Variants in HTR2C observed in about 807,000 individuals in gnomAD.
HTR2C encodes 5-hydroxytryptamine (serotonin) receptor 2C, G protein-coupled.
In HTR2C, 5 loss-of-function variants were observed where a neutral mutation model predicts 21.0. That is an observed-to-expected ratio of 0.24 (90% CI 0.12 to 0.50). HTR2C has a LOEUF of 0.50. Among genes scored for constraint, HTR2C ranks in the 20% least tolerant of loss-of-function variants. The probability of loss-of-function intolerance (pLI) is 0.98; values close to 1 mark genes in which losing one functional copy is unlikely to be tolerated. For synonymous variants in HTR2C, 150 were observed against 145.3 expected, an observed-to-expected ratio of 1.03 and a Z score of -0.23; for missense variants, 271 against 371.2, an observed-to-expected ratio of 0.73 and a Z score of 2.22.
intron 5 of HTR2C, among the ~76,000 whole-genome samples, chrX:114,885,918 T>A (rs1266193853): frequency 9.0e-6 from 1 of 111,672 alleles, no homozygotes; most frequent in Non-Finnish European, 1.9e-5. Flanking sequence ...GGTCGATTGT[T>A]TGACTACTTG....
intron 4 of HTR2C, among the ~76,000 whole-genome samples, chrX:114,752,770 C>T (rs1343848512): frequency 9.0e-6 from 1 of 110,862 alleles, no homozygotes; most frequent in Non-Finnish European, 1.9e-5. Flanking sequence ...CTTTTTGTCA[C>T]TCCCAGTTGA....
At chrX:114,676,777 A>T (rs1931578706) in intron 2 of HTR2C, among the ~76,000 whole-genome samples, 1 of 112,174 alleles carries the variant, frequency 8.9e-6, no homozygotes, top group South Asian at 3.6e-4. Context: ...TGCTCTGCAC[A>T]ATTTGTTAAA....
intron 4 of HTR2C, among the ~76,000 whole-genome samples, chrX:114,744,586 G>A (rs1029225399): frequency 3.4e-4 from 37 of 108,654 alleles, no homozygotes; most frequent in African/African-American, 1.2e-3. Context: ...CCGAGTAGCC[G>A]GGACTACAGG....
In HTR2C at chrX:114,726,214, C is replaced by T. The variant is rs782650425; in HGVS notation, c.-79-644C>T. Among the ~76,000 whole-genome samples the T allele has an allele frequency of 4.9e-4, 55 of 112,569 alleles. No individual in the cohort carries two copies. In the South Asian group the frequency reaches 0.02, roughly 40 times the overall value. ...GGAACCAGGTGCAGGATATAATCTCCTGGTGCGCCGTTTTTTAAGCCTGTT... is the reference window on the plus strand; with the variant it reads ...GGAACCAGGTGCAGGATATAATCTCTTGGTGCGCCGTTTTTTAAGCCTGTT... On this transcript the variant is annotated intron_variant, in intron 2 of 5. Transcript: ENST00000276198.
chrX:114,643,329 G>A (rs1333735403), intron 2 of HTR2C, among the ~76,000 whole-genome samples: 1 of 111,069 alleles, frequency 9.0e-6, no homozygotes, highest in Non-Finnish European at 1.9e-5. Context: ...TGTCTTAGGG[G>A]AAATGGGAGT....
intron 1 of HTR2C, among the ~76,000 whole-genome samples, chrX:114,599,786 C>T (rs1928010640): frequency 8.9e-6 from 1 of 112,179 alleles, no homozygotes; most frequent in Admixed American, 9.5e-5. Context: ...AAATAGTTAA[C>T]TTTCACTGAG....
At chrX:114,613,594 C>T (rs782333685) in intron 1 of HTR2C, among the ~76,000 whole-genome samples, 1 of 111,808 alleles carries the variant, frequency 8.9e-6, no homozygotes, top group Non-Finnish European at 1.9e-5. Context: ...CCTCTATTCA[C>T]GATGGAGTTG....
At chrX:114,809,197 C>A (rs2070507384) in intron 4 of HTR2C, among the ~76,000 whole-genome samples, 1 of 110,573 alleles carries the variant, frequency 9.0e-6, no homozygotes, top group Non-Finnish European at 1.9e-5. Flanking sequence ...GCTGAGCTGA[C>A]ACCCAAGCTA....
intron 4 of HTR2C, among the ~76,000 whole-genome samples, chrX:114,733,605 A>G (rs782491065): frequency 9.2e-6 from 1 of 109,123 alleles, no homozygotes; most frequent in Non-Finnish European, 1.9e-5. Flanking sequence ...CTTGAAAAAA[A>G]AAAAGCACAG....
chrX:114,590,893 A>G (rs1389445322), intron 1 of HTR2C, among the ~76,000 whole-genome samples: 2 of 111,833 alleles, frequency 1.8e-5, no homozygotes, highest in South Asian at 3.7e-4. Context: ...TGAGTTCTGC[A>G]CCCATTTTGC....
rs1556450626 is a variant in HTR2C, at chrX:114,807,165, C to CATGTATGTATACA, written c.350-40838_350-40837insATGTATGTATACA. On this transcript the variant is annotated intron_variant, in intron 4 of 5. Coordinates refer to ENST00000276198, the MANE Select transcript of HTR2C (RefSeq NM_000868.4). ...TACCATATATACACCATATATATAC[C>CATGTATGTATACA]CCATATATACACCATGTATATATAC... Among the ~76,000 whole-genome samples the CATGTATGTATACA allele has an allele frequency of 1.5e-3, 34 of 21,966 alleles. 15 individuals are homozygous for CATGTATGTATACA. The highest frequency in any genetic ancestry group is 4.6e-3 in the Admixed American group (6 of 1,305). The allele number at this position is 21,966 out of a possible 115,157, so 19.1% of individuals were successfully genotyped here.
chrX:114,706,642 A>G (rs1268456130), intron 2 of HTR2C, among the ~76,000 whole-genome samples: 1 of 104,663 alleles, frequency 9.6e-6, no homozygotes, highest in Non-Finnish European at 2.0e-5. Context: ...GCACACCAGC[A>G]TGGCACATGT....
chrX:114,772,536 GA>G (rs782270300), intron 4 of HTR2C, among the ~76,000 whole-genome samples: 60 of 110,242 alleles, frequency 5.4e-4, no homozygotes, highest in African/African-American at 1.9e-3. Flanking sequence ...TTTTCAGAGG[GA>G]GACAAAAAGT....
intron 4 of HTR2C, chrX:114,775,885 A>T (rs1473274610): frequency 8.0e-6 from 3 of 373,574 alleles, no homozygotes; most frequent in African/African-American, 7.7e-5. Context: ...TAAATTGGGC[A>T]CAGGCAATGG....
chrX:114,706,360 A>G (rs1556418073), intron 2 of HTR2C, among the ~76,000 whole-genome samples: 1 of 85,369 alleles, frequency 1.2e-5, no homozygotes, highest in Non-Finnish European at 2.3e-5. Context: ...CATATACACC[A>G]TGGAATACTA....
At chrX:114,836,426 C>A (rs372801493) in intron 4 of HTR2C, among the ~76,000 whole-genome samples, 1 of 112,588 alleles carries the variant, frequency 8.9e-6, no homozygotes, top group Non-Finnish European at 1.9e-5. Context: ...TTTTTTAAGC[C>A]GGTCGGAAAA....
intron 4 of HTR2C, among the ~76,000 whole-genome samples, chrX:114,780,541 A>G (rs2070106819): frequency 9.0e-6 from 1 of 111,439 alleles, no homozygotes. Context: ...ATGAACCACA[A>G]CCTCACCCTT....
At chrX:114,806,619 C>CAT (rs1194418800) in intron 4 of HTR2C, among the ~76,000 whole-genome samples, 3 of 93,241 alleles carry the variant, frequency 3.2e-5, no homozygotes, top group Non-Finnish European at 6.2e-5. Context: ...ATATATACAC[C>CAT]ATATATATAC....
At chrX:114,781,351 C>T (rs1300134433) in intron 4 of HTR2C, among the ~76,000 whole-genome samples, 1 of 110,387 alleles carries the variant, frequency 9.1e-6, no homozygotes, top group Non-Finnish European at 1.9e-5. Flanking sequence ...AAAAAATTAG[C>T]CTGGTGTGGT....
Sources: allele counts gnomAD v4.1 joint callset (sites outside exome capture counted in the v4.1 genomes callset), GRCh38; gene constraint gnomAD v4.1.1; transcripts MANE v1.5; gene names NCBI Gene and HGNC (gene_info 2026-07-23, HGNC 2026-07-21).